PRH1: variants seen among roughly 807,000 people sequenced by gnomAD.
PRH1 encodes proline rich protein HaeIII subfamily 1.
PRH1 carries 7 observed loss-of-function variants against 7.9 expected under a neutral mutation model. The ratio of observed to expected loss-of-function variants is 0.89; its 90% CI spans 0.50 to 1.67. PRH1 has a LOEUF of 1.67. PRH1 is among the 40% of genes most tolerant of loss of function. The pLI is 0.00. For synonymous variants in PRH1, 45 were observed against 80.8 expected, an observed-to-expected ratio of 0.56 and a Z score of 2.38; for missense variants, 109 against 223.6, an observed-to-expected ratio of 0.49 and a Z score of 3.27.
intron 1 of PRH1, among the ~76,000 whole-genome samples, chr12:11,059,604 G>A (rs1419957066): frequency 7.5e-6 from 1 of 133,884 alleles, no homozygotes; most frequent in Non-Finnish European, 1.7e-5. Flanking sequence ...TAAAAATATT[G>A]TAATAGGCGC....
At chr12:10,916,282 C>T (rs920822825) in intron 2 of PRH1, among the ~76,000 whole-genome samples, 1 of 44,134 alleles carries the variant, frequency 2.3e-5, no homozygotes, top group Non-Finnish European at 7.9e-5. Flanking sequence ...ATGGGAATTA[C>T]TCGGGAGCCA....
At chr12:11,167,032 T>C (rs1399428537) in intron 1 of PRH1, among the ~76,000 whole-genome samples, 1 of 152,228 alleles carries the variant, frequency 6.6e-6, no homozygotes, top group Admixed American at 6.5e-5. Context: ...TAATATGGGA[T>C]AATCTCCCAT....
At chr12:11,056,787 C>A (rs1292299717) in intron 1 of PRH1, among the ~76,000 whole-genome samples, 1 of 152,088 alleles carries the variant, frequency 6.6e-6, no homozygotes, top group African/African-American at 2.4e-5. Context: ...CACTGCACAC[C>A]AGCCTGGGAG....
chr12:11,086,438 T>C (rs748257301), intron 1 of PRH1, among the ~76,000 whole-genome samples: 1 of 143,596 alleles, frequency 7.0e-6, no homozygotes, highest in Non-Finnish European at 1.5e-5. Flanking sequence ...TTAAAATAGA[T>C]GTTAAAATCA....
At chr12:11,021,090 CTCT>C (rs1941599974) in intron 1 of PRH1, among the ~76,000 whole-genome samples, 2 of 84,460 alleles carry the variant, frequency 2.4e-5, no homozygotes, top group East Asian at 3.4e-3. Context: ...ACAAAATTTA[CTCT>C]ACATATGTTT....
intron 1 of PRH1, chr12:11,061,490 A>C: frequency 1.9e-6 from 3 of 1,614,168 alleles, no homozygotes; most frequent in Non-Finnish European, 2.5e-6. Context: ...GGATAGCTGA[A>C]TGCAATAGCT....
At chr12:10,952,687 T>G (rs1036097793) in intron 2 of PRH1, among the ~76,000 whole-genome samples, 1 of 152,200 alleles carries the variant, frequency 6.6e-6, no homozygotes. Context: ...ATTAATCATT[T>G]TTCTCAACAA....
chr12:10,910,763 C>T (rs924862025), intron 2 of PRH1, among the ~76,000 whole-genome samples: 3 of 152,098 alleles, frequency 2.0e-5, no homozygotes, highest in Non-Finnish European at 2.9e-5. Context: ...AACACTTTAT[C>T]TTGATTATAA....
upstream of PRH1, among the ~76,000 whole-genome samples, chr12:11,051,980 A>T (rs1479685700): frequency 6.6e-6 from 1 of 152,232 alleles, no homozygotes; most frequent in Non-Finnish European, 1.5e-5. Context: ...ATTCCTTTGC[A>T]TTTATATAGC....
intron 2 of PRH1, among the ~76,000 whole-genome samples, chr12:10,929,748 C>G (rs189476087): frequency 1.3e-3 from 196 of 152,264 alleles, no homozygotes; most frequent in African/African-American, 4.3e-3. Flanking sequence ...AGAGCTATTG[C>G]TGAGGCAGAG....
intron 1 of PRH1, chr12:10,973,848 T>C (rs772703366): frequency 1.3e-5 from 7 of 521,220 alleles, no homozygotes; most frequent in African/African-American, 3.9e-5. Context: ...AGTCAACTTA[T>C]ATATTTAATG....
At chr12:11,108,438 G>T (rs1453842346) in intron 1 of PRH1, among the ~76,000 whole-genome samples, 1 of 152,148 alleles carries the variant, frequency 6.6e-6, no homozygotes, top group African/African-American at 2.4e-5. Context: ...ACAAAAGGTG[G>T]GTGATTTCTG....
chr12:10,973,028 G>C (rs1031300990), intron 2 of PRH1, among the ~76,000 whole-genome samples: 1 of 145,918 alleles, frequency 6.9e-6, no homozygotes, highest in African/African-American at 2.5e-5. Context: ...AGGTCATGTA[G>C]GTTGAAAAGT....
rs867059991 is a variant in PRH1, at chr12:11,126,565, A to G, written n.40-5385T>C. On this transcript the variant is annotated intron_variant and non_coding_transcript_variant, in intron 1 of 1. Transcript: ENST00000541175. ...AGACTTGTCAACTTTAGCAATTAAA[A>G]CTCAGTGATATGCATGTGTGTGTAT... is the stretch of plus-strand genomic sequence containing the variant. 2.6e-5 allele frequency among the ~76,000 whole-genome samples: 4 copies of G among 152,208 alleles called. No individual in the cohort carries two copies. In the South Asian group the frequency reaches 8.3e-4, roughly 31 times the overall value.
At chr12:11,072,237 T>C (rs1253770644) in intron 1 of PRH1, among the ~76,000 whole-genome samples, 2 of 152,288 alleles carry the variant, frequency 1.3e-5, no homozygotes, top group East Asian at 3.9e-4. Context: ...TATTCCCAAC[T>C]GTGCCTACCA....
intron 1 of PRH1, among the ~76,000 whole-genome samples, chr12:11,128,068 G>A (rs1369586955): frequency 2.3e-5 from 3 of 133,278 alleles, no homozygotes; most frequent in Non-Finnish European, 3.1e-5. Context: ...CCGAGATGGC[G>A]CCACTGCACT....
intron 1 of PRH1, among the ~76,000 whole-genome samples, chr12:11,136,561 T>C (rs749805911): frequency 1.3e-5 from 2 of 152,192 alleles, no homozygotes; most frequent in Non-Finnish European, 2.9e-5. Context: ...AATTTACTCC[T>C]GTCACCTTTA....
chr12:11,103,820 T>C (rs1945328402), intron 1 of PRH1, among the ~76,000 whole-genome samples: 1 of 151,350 alleles, frequency 6.6e-6, no homozygotes, highest in South Asian at 2.1e-4. Context: ...GTGGCATTAC[T>C]GTTACTGTGG....
chr12:11,156,517 T>C (rs577782029), intron 1 of PRH1, among the ~76,000 whole-genome samples: 12 of 152,186 alleles, frequency 7.9e-5, no homozygotes, highest in Non-Finnish European at 1.5e-4. Flanking sequence ...TCTTCCCCTT[T>C]AGCCTGTATT....
Sources: allele counts gnomAD v4.1 joint callset (sites outside exome capture counted in the v4.1 genomes callset), GRCh38; gene constraint gnomAD v4.1.1; transcripts MANE v1.5; gene names NCBI Gene and HGNC (gene_info 2026-07-23, HGNC 2026-07-21).